Variants in ACSM3 observed in about 807,000 individuals in gnomAD.
ACSM3 encodes the protein acyl-coenzyme A synthetase ACSM3, mitochondrial.
In ACSM3, 61 loss-of-function variants were observed where a neutral mutation model predicts 74.1. The observed-to-expected ratio is 0.82, with a 90% CI of 0.67 to 1.02. ACSM3 has a LOEUF of 1.02. Among genes scored for constraint, ACSM3 ranks in the 50% least tolerant of loss-of-function variants. The pLI, the probability that ACSM3 is intolerant of heterozygous loss-of-function variation, is 0.00. For missense variants in ACSM3, 660 were observed against 697.0 expected (o/e 0.95, Z 0.60); for synonymous variants, 213 against 241.5 (o/e 0.88, Z 1.09).
At position 20,796,720 on chromosome 16, in the gene ACSM3, A is replaced by G. The variant is rs981352999; in HGVS notation, c.1675-166A>G. 9.1e-5 allele frequency: 136 copies of G among 1,489,274 alleles called. 4 individuals carry two copies. In the South Asian group the frequency reaches 1.7e-3, roughly 19 times the overall value. The allele number at this position is 1,489,274 out of a possible 1,614,324, so 92.3% of individuals were successfully genotyped here. ...CACAGTAAATACTTAATATCAAGAC[A>G]ACTTTCCTAACAATACCCTTTTCCC... On this transcript the variant is annotated intron_variant, in intron 13 of 13. Coordinates refer to ENST00000289416, the MANE Select transcript of ACSM3 (RefSeq NM_005622.4).
intron 1 of ACSM3, chr16:20,729,548 G>GGA: frequency 7.8e-6 from 4 of 510,220 alleles, no homozygotes; most frequent in African/African-American, 1.9e-5. Flanking sequence ...TCCAATTTGT[G>GGA]GAGAGGTAGA....
chr16:20,699,665 C>G (rs904697417), intron 1 of ACSM3, among the ~76,000 whole-genome samples: 4 of 152,042 alleles, frequency 2.6e-5, no homozygotes, highest in Non-Finnish European at 4.4e-5. Flanking sequence ...GGGGAAAAGC[C>G]CTTGACACAC....
intron 1 of ACSM3, among the ~76,000 whole-genome samples, chr16:20,724,401 T>C (rs1183988147): frequency 6.6e-6 from 1 of 152,200 alleles, no homozygotes; most frequent in African/African-American, 2.4e-5. Flanking sequence ...GAGCTATCTA[T>C]GACAAACCCA....
chr16:20,750,367 A>G (rs899095520), intron 2 of ACSM3, among the ~76,000 whole-genome samples: 1 of 152,174 alleles, frequency 6.6e-6, no homozygotes, highest in Non-Finnish European at 1.5e-5. Flanking sequence ...GGTCCCTGGA[A>G]GTGAGGGTGA....
chr16:20,716,423 T>C (rs1188066968), intron 1 of ACSM3, among the ~76,000 whole-genome samples: 4 of 152,034 alleles, frequency 2.6e-5, no homozygotes, highest in Non-Finnish European at 5.9e-5. Flanking sequence ...ACACCACAAA[T>C]CTAAGCCCAT....
chr16:20,700,707 G>T (rs2079710813), intron 1 of ACSM3, among the ~76,000 whole-genome samples: 2 of 152,024 alleles, frequency 1.3e-5, no homozygotes, highest in Non-Finnish European at 2.9e-5. Context: ...GTGCATGGAA[G>T]TCTCGTGAAG....
At chr16:20,792,841 G>T in intron 12 of ACSM3, 1 of 457,228 alleles carries the variant, frequency 2.2e-6, no homozygotes, top group Non-Finnish European at 2.9e-6. Context: ...TAACACAGGT[G>T]TCCTGAAAGC....
intron 1 of ACSM3, among the ~76,000 whole-genome samples, chr16:20,717,331 T>C (rs1170678061): frequency 2.0e-5 from 3 of 152,252 alleles, no homozygotes; most frequent in African/African-American, 4.8e-5. Context: ...TTGCTTAGAT[T>C]AATCAAGCTC....
Position 20,729,398 on chromosome 16 carries a change from G to T in ACSM3, c.-189-20512G>T, listed in dbSNP as rs187818876. On this transcript the variant is annotated intron_variant, in intron 1 of 3. Coordinates refer to the ACSM3 transcript ENST00000561584. ...ACTCTTAAGAGGCAAGGATTGACAG[G>T]GGGGGAGCTCTCCTACTGGAGGATG... 8 of 1,149,794 alleles carry T rather than the reference G, an allele frequency of 7.0e-6. No individual in the cohort carries two copies. The East Asian group carries it at 7.1e-5, about 10-fold the overall frequency. 71.2% of individuals were successfully genotyped at this position (1,149,794 alleles called of 1,614,324 possible).
intron 7 of ACSM3, chr16:20,783,305 G>A (rs2080393908): frequency 6.6e-6 from 1 of 152,204 alleles, no homozygotes; most frequent in African/African-American, 2.4e-5. Context: ...CTCTGGGCCA[G>A]GAACCCAGGA....
At chr16:20,694,224 G>A (rs796716556) in intron 1 of ACSM3, among the ~76,000 whole-genome samples, 4 of 152,302 alleles carry the variant, frequency 2.6e-5, no homozygotes, top group South Asian at 2.1e-4. Flanking sequence ...GTGAGGTCCC[G>A]TTCCAGCCAG....
intron 1 of ACSM3, chr16:20,741,478 C>CCGGGGGGGGCG: frequency 7.5e-7 from 1 of 1,336,934 alleles, no homozygotes; most frequent in African/African-American, 1.5e-5. Context: ...GGCCTGGCAG[C>CCGGGGGGGGCG]CGGCCCGCCC....
Position 20,686,409 on chromosome 16 carries a change from A to G in ACSM3, c.-190+11587A>G, listed in dbSNP as rs553787260. Among the ~76,000 whole-genome samples the G allele has an allele frequency of 2.6e-5, 4 of 152,258 alleles. 1 individual carries two copies. Among genetic ancestry groups the G allele is most frequent in the African/African-American group, 9.6e-5 (4 of 41,552 alleles). ...CCAAACAAATGCCCCCAGTCATGAA[A>G]AAGCCATACTCAATTCCCACTTACA... is the stretch of plus-strand genomic sequence containing the variant. On this transcript the variant is annotated intron_variant, in intron 1 of 3. Coordinates refer to the ACSM3 transcript ENST00000561584.
At chr16:20,786,605 C>T (rs554056163) in intron 9 of ACSM3, among the ~76,000 whole-genome samples, 23 of 152,290 alleles carry the variant, frequency 1.5e-4, no homozygotes, top group African/African-American at 5.3e-4. Flanking sequence ...ATTGCTTGAG[C>T]CTGGGAGCTT....
At chr16:20,711,655 T>C (rs2079744476) in intron 1 of ACSM3, 2 of 739,432 alleles carry the variant, frequency 2.7e-6, no homozygotes, top group Non-Finnish European at 4.5e-6. Flanking sequence ...CCGGAACAGG[T>C]GGCTCAGTTT....
At position 20,750,844 on chromosome 16, in the gene ACSM3, G is replaced by GTTTTT. The variant is rs59655300; in HGVS notation, c.-96+855_-96+859dup. On this transcript the variant is annotated intron_variant, in intron 2 of 3. Coordinates refer to the ACSM3 transcript ENST00000561584. ...GAGAGAATATAAGTTTTGGAGTCAGGTTTTTTTTTTTTTTTTTTGAAACGG... is the reference window on the plus strand; with the variant it reads ...GAGAGAATATAAGTTTTGGAGTCAGGTTTTTTTTTTTTTTTTTTTTTTTGAAACGG... Among the ~76,000 whole-genome samples, 57 of 115,374 alleles carry GTTTTT rather than the reference G, an allele frequency of 4.9e-4. 2 individuals are homozygous for GTTTTT. The highest frequency in any genetic ancestry group is 9.1e-4 in the African/African-American group (29 of 31,844). The allele number at this position is 115,374 out of a possible 152,430, so 75.7% of individuals were successfully genotyped here.
At chr16:20,773,238 T>C (rs1248728452) in intron 2 of ACSM3, among the ~76,000 whole-genome samples, 1 of 152,128 alleles carries the variant, frequency 6.6e-6, no homozygotes, top group African/African-American at 2.4e-5. Context: ...TCATTTCTGA[T>C]TTTATTTATT....
intron 1 of ACSM3, among the ~76,000 whole-genome samples, chr16:20,718,002 GA>G (rs1440323550): frequency 2.0e-5 from 3 of 149,020 alleles, no homozygotes; most frequent in African/African-American, 7.5e-5. Context: ...AGAAGAAGAA[GA>G]AGAAGAAGAA....
intron 9 of ACSM3, chr16:20,789,460 A>C: frequency 6.3e-7 from 1 of 1,576,930 alleles, no homozygotes; most frequent in Non-Finnish European, 8.7e-7. Flanking sequence ...GTAAGAGAGC[A>C]AGGCTGTGGC....
Sources: gnomAD v4.1 joint callset for allele counts (sites outside exome capture counted in the v4.1 genomes callset) on GRCh38, gnomAD v4.1.1 for gene constraint, MANE v1.5 for transcripts, NCBI Gene and HGNC (gene_info 2026-07-23, HGNC 2026-07-21) for gene names.